The following ANKS1B variants were observed in gnomAD, a reference collection of about 807,000 sequenced individuals.
ANKS1B encodes ankyrin repeat and sterile alpha motif domain-containing protein 1B.
In ANKS1B, 36 loss-of-function variants were observed where a neutral mutation model predicts 148.3. The ratio of observed to expected loss-of-function variants is 0.24; its 90% confidence interval spans 0.19 to 0.32. The LOEUF (loss-of-function observed/expected upper bound fraction) is 0.32. Among genes scored for constraint, ANKS1B ranks in the 10% least tolerant of loss-of-function variants. The pLI, the probability that ANKS1B is intolerant of heterozygous loss-of-function variation, is 1.00. For synonymous variants in ANKS1B, 542 were observed against 560.8 expected (o/e 0.97, Z 0.47); for missense variants, 1,157 against 1,542.6 (o/e 0.75, Z 4.19).
intron 9 of ANKS1B, among the ~76,000 whole-genome samples, chr12:98,736,498 C>T (rs79285442): frequency 0.01 from 1,552 of 152,240 alleles, 35 homozygotes; most frequent in African/African-American, 0.035. Flanking sequence ...TGCCCGTTAA[C>T]GAGACATCCA....
At chr12:99,787,211 G>A (rs2065096650) in intron 4 of ANKS1B, among the ~76,000 whole-genome samples, 1 of 152,170 alleles carries the variant, frequency 6.6e-6, no homozygotes, top group Admixed American at 6.5e-5. Context: ...TGTCATGGGA[G>A]AGACCGGCTG....
chr12:99,734,402 C>T lies in ANKS1B; in HGVS notation c.1128+38520G>A, dbSNP rs151184289. 3.6e-3 allele frequency among the ~76,000 whole-genome samples: 541 copies of T among 152,274 alleles called. 3 individuals carry two copies. The highest frequency in any genetic ancestry group is 0.012 in the African/African-American group (499 of 41,538). On this transcript the variant is annotated intron_variant, in intron 8 of 26. Coordinates refer to ENST00000683438, the MANE Select transcript of ANKS1B (RefSeq NM_001352186.2). The stretch of plus-strand genomic sequence containing the variant: ...CCACCTCCCGGGTTCAAGCAACTCT[C>T]CTGCCTCAGCACCCCCGAGTAGCTG...
intron 9 of ANKS1B, among the ~76,000 whole-genome samples, chr12:99,591,069 A>G (rs1178801717): frequency 6.6e-6 from 1 of 151,840 alleles, no homozygotes; most frequent in African/African-American, 2.4e-5. Flanking sequence ...GGTATCTTCC[A>G]TAGCACTGGT....
intron 17 of ANKS1B, among the ~76,000 whole-genome samples, chr12:98,938,511 T>C (rs962598866): frequency 2.6e-5 from 4 of 152,176 alleles, no homozygotes; most frequent in Non-Finnish European, 5.9e-5. Flanking sequence ...CTGAGAACCA[T>C]TGTTTCAAAT....
At chr12:99,058,139 G>A (rs1346011193) in intron 16 of ANKS1B, among the ~76,000 whole-genome samples, 2 of 151,604 alleles carry the variant, frequency 1.3e-5, no homozygotes. Context: ...GCATCTTCAT[G>A]AGACTGAGAA....
chr12:99,448,939 T>C (rs941036410), intron 10 of ANKS1B, among the ~76,000 whole-genome samples: 1 of 152,136 alleles, frequency 6.6e-6, no homozygotes, highest in African/African-American at 2.4e-5. Flanking sequence ...ACAGACTTTA[T>C]TCTTTTAACC....
At chr12:99,443,630 C>G (rs753173438) in intron 11 of ANKS1B, 43 bp downstream of exon 11, 1 of 1,602,910 alleles carries the variant, frequency 6.2e-7, no homozygotes, top group Non-Finnish European at 8.5e-7. Context: ...TGATTCAAAT[C>G]AAAACACATT....
intron 8 of ANKS1B, among the ~76,000 whole-genome samples, chr12:99,719,546 C>T (rs147691045): frequency 5.9e-5 from 9 of 152,250 alleles, no homozygotes; most frequent in Admixed American, 3.3e-4. Flanking sequence ...GTATCTTCCA[C>T]ATCTATTATT....
chr12:98,754,702 A>G (rs1436899087), intron 25 of ANKS1B, among the ~76,000 whole-genome samples: 1 of 152,224 alleles, frequency 6.6e-6, no homozygotes, highest in African/African-American at 2.4e-5. Context: ...TTCAAAGGAA[A>G]GTAAAAAGAC....
At chr12:99,648,763 T>G in intron 9 of ANKS1B, 1 of 1,612,528 alleles carries the variant, frequency 6.2e-7, no homozygotes, top group Non-Finnish European at 8.5e-7. Context: ...CTCATCTGTG[T>G]TGGAGGAAGT....
chr12:99,579,344 T>A (rs1192971998), intron 9 of ANKS1B, among the ~76,000 whole-genome samples: 1 of 151,902 alleles, frequency 6.6e-6, no homozygotes, highest in African/African-American at 2.4e-5. Context: ...CAATCAAAGA[T>A]AAGTGGGATC....
At chr12:98,956,770 C>A (rs1016160021) in intron 17 of ANKS1B, among the ~76,000 whole-genome samples, 3 of 152,172 alleles carry the variant, frequency 2.0e-5, no homozygotes, top group Non-Finnish European at 4.4e-5. Context: ...TGTGGGGATA[C>A]AATGCTGCAT....
intron 14 of ANKS1B, among the ~76,000 whole-genome samples, chr12:99,234,033 T>C (rs2087369362): frequency 6.6e-6 from 1 of 152,104 alleles, no homozygotes; most frequent in Non-Finnish European, 1.5e-5. Context: ...TTGCTTAAGA[T>C]TTTATTCTCC....
intron 17 of ANKS1B, among the ~76,000 whole-genome samples, chr12:98,882,029 A>G (rs549206463): frequency 1.3e-5 from 2 of 152,244 alleles, no homozygotes; most frequent in East Asian, 3.9e-4. Context: ...ATGGAAATTC[A>G]CTGTTATAAT....
intron 12 of ANKS1B, among the ~76,000 whole-genome samples, chr12:99,356,562 C>T (rs566241302): frequency 2.6e-4 from 40 of 152,104 alleles, no homozygotes; most frequent in Non-Finnish European, 5.9e-4. Context: ...ATTTAAAGGG[C>T]TCATCTCCAT....
At chr12:99,095,636 A>G (rs1469045275) in intron 15 of ANKS1B, among the ~76,000 whole-genome samples, 53 of 152,218 alleles carry the variant, frequency 3.5e-4, no homozygotes, top group Non-Finnish European at 2.9e-5. Context: ...TTTATCTGTC[A>G]GTGAAAATAA....
chr12:99,246,986 C>T lies in ANKS1B; in HGVS notation c.1757-122G>A. On this transcript the variant is annotated intron_variant, in intron 12 of 26. Coordinates refer to ENST00000683438, the MANE Select transcript of ANKS1B (RefSeq NM_001352186.2). ...TTCATTTACTGCTACATAGCAATAC[C>T]TTCACTTTATGAAATACCCCTGACC... 5.2e-6 allele frequency: 4 copies of T among 765,008 alleles called. No homozygotes were observed. In the East Asian group the frequency reaches 9.9e-5, roughly 19 times the overall value. The allele number at this position is 765,008 out of a possible 1,614,324, so 47.4% of individuals were successfully genotyped here.
At chr12:99,705,473 C>T (rs926115740) in intron 8 of ANKS1B, among the ~76,000 whole-genome samples, 7 of 152,090 alleles carry the variant, frequency 4.6e-5, no homozygotes, top group Non-Finnish European at 1.0e-4. Flanking sequence ...TCCAACTAAA[C>T]GGACCAATGG....
chr12:99,890,687 T>G (rs1381445020), intron 1 of ANKS1B, among the ~76,000 whole-genome samples: 2 of 151,412 alleles, frequency 1.3e-5, no homozygotes, highest in Non-Finnish European at 2.9e-5. Context: ...AAACACAGAC[T>G]ATGTACTAGA....
Sources: gnomAD v4.1 joint callset for allele counts (sites outside exome capture counted in the v4.1 genomes callset) on GRCh38, gnomAD v4.1.1 for gene constraint, MANE v1.5 for transcripts, NCBI Gene and HGNC (gene_info 2026-07-23, HGNC 2026-07-21) for gene names.